Variants in BRK1 observed in about 807,000 individuals in gnomAD.
The protein encoded by BRK1 is protein BRICK1.
A neutral mutation model predicts 9.9 loss-of-function variants in BRK1; 6 were observed. The observed-to-expected ratio is 0.60, with a 90% CI of 0.33 to 1.19. BRK1 has a LOEUF of 1.19. Among genes scored for constraint, BRK1 ranks in the 50% most tolerant of loss-of-function variants. BRK1 has a pLI of 0.04. For missense variants in BRK1, 62 were observed against 97.5 expected, an observed-to-expected ratio of 0.64 and a Z score of 1.53; for synonymous variants, 44 against 31.9, an observed-to-expected ratio of 1.38 and a Z score of -1.28.
At chr3:10,116,392 C>T (rs1695685021) in intron 1 of BRK1, among the ~76,000 whole-genome samples, 1 of 150,470 alleles carries the variant, frequency 6.6e-6, no homozygotes, top group Admixed American at 6.6e-5. Flanking sequence ...TCTTGTAGGA[C>T]CTTGGAAGTC....
At chr3:10,124,778 G>T (rs1334053059) in intron 1 of BRK1, among the ~76,000 whole-genome samples, 2 of 152,194 alleles carry the variant, frequency 1.3e-5, no homozygotes, top group African/African-American at 4.8e-5. Flanking sequence ...TGAGATCTCT[G>T]TTTTGTTGCT....
intron 1 of BRK1, among the ~76,000 whole-genome samples, chr3:10,117,787 C>T (rs901007265): frequency 1.3e-5 from 2 of 152,108 alleles, no homozygotes; most frequent in African/African-American, 4.8e-5. Context: ...GATCATTATC[C>T]TCCCTTAAAG....
chr3:10,115,963 C>T lies in BRK1; in HGVS notation c.118+144C>T, dbSNP rs897543663. On this transcript the variant is annotated intron_variant, in intron 1 of 2. Transcript: ENST00000530758. ...TTCCTCCTTCAGGTCCCACCTTCTCCCTCCCGCCCTGACCCTCAGGCTCCC... is the reference window on the plus strand; with the variant it reads ...TTCCTCCTTCAGGTCCCACCTTCTCTCTCCCGCCCTGACCCTCAGGCTCCC... 15 of 677,552 alleles carry T rather than the reference C, an allele frequency of 2.2e-5. 1 individual carries two copies. Among genetic ancestry groups the T allele is most frequent in the Admixed American group, 1.8e-4 (8 of 44,828 alleles). The allele number at this position is 677,552 out of a possible 1,614,324, so 42.0% of individuals were successfully genotyped here.
At chr3:10,117,609 C>G (rs534840883) in intron 1 of BRK1, among the ~76,000 whole-genome samples, 12 of 151,984 alleles carry the variant, frequency 7.9e-5, no homozygotes, top group African/African-American at 2.7e-4. Flanking sequence ...CTTGCCCAGG[C>G]TGGTCTCAAA....
intron 1 of BRK1, among the ~76,000 whole-genome samples, chr3:10,122,536 A>C (rs899360170): frequency 6.7e-6 from 1 of 149,274 alleles, no homozygotes; most frequent in Non-Finnish European, 1.5e-5. Flanking sequence ...TGAGACCCCC[A>C]TATCTACCAA....
intron 1 of BRK1, among the ~76,000 whole-genome samples, chr3:10,122,571 G>A (rs886149289): frequency 5.3e-5 from 8 of 151,966 alleles, no homozygotes; most frequent in African/African-American, 1.9e-4. Context: ...AAATTAGCCA[G>A]GCACAGTGGC....
chr3:10,121,013 T>A (rs1019346750), intron 1 of BRK1, among the ~76,000 whole-genome samples: 1 of 152,160 alleles, frequency 6.6e-6, no homozygotes, highest in Admixed American at 6.6e-5. Flanking sequence ...TGTTGGGCAG[T>A]TCCGACAGAA....
At chr3:10,124,877 A>G (rs1695815459) in intron 1 of BRK1, among the ~76,000 whole-genome samples, 1 of 152,154 alleles carries the variant, frequency 6.6e-6, no homozygotes, top group African/African-American at 2.4e-5. Flanking sequence ...AAAGCCAACA[A>G]TGGCAGATTG....
chr3:10,123,126 A>T (rs1258232487), intron 1 of BRK1, among the ~76,000 whole-genome samples: 1 of 152,228 alleles, frequency 6.6e-6, no homozygotes, highest in Admixed American at 6.5e-5. Flanking sequence ...ATATGTTGAG[A>T]ATAGTTGGAA....
At chr3:10,116,705 TCTAA>T (rs767550792) in intron 1 of BRK1, among the ~76,000 whole-genome samples, 2 of 152,178 alleles carry the variant, frequency 1.3e-5, no homozygotes, top group Non-Finnish European at 2.9e-5. Flanking sequence ...TGAATGATTC[TCTAA>T]CTAAAGGACT....
chr3:10,117,087 C>T (rs769412908), intron 1 of BRK1, among the ~76,000 whole-genome samples: 12 of 151,988 alleles, frequency 7.9e-5, no homozygotes, highest in African/African-American at 1.4e-4. Flanking sequence ...TACAAAACAA[C>T]GACAACAAAA....
In BRK1 at chr3:10,126,406, T is replaced by C; in HGVS notation, c.*111T>C. ...TCTCCTTAAAGAGCAACAGGGCTTA[T>C]TCTTGTTTTTCTTTTTTCAAAAGTG... On this transcript the variant is annotated 3_prime_UTR_variant, in exon 3 of 3. Transcript: ENST00000530758. 1.0e-6 allele frequency: 1 copy of C among 976,832 alleles called. No homozygotes were observed. Among genetic ancestry groups the C allele is most frequent in the Non-Finnish European group, 1.5e-6 (1 of 651,370 alleles). The allele number at this position is 976,832 out of a possible 1,614,324, so 60.5% of individuals were successfully genotyped here. A position where few individuals can be genotyped will look rare whatever the true frequency, so the allele number is the denominator to read the frequency against.
intron 1 of BRK1, among the ~76,000 whole-genome samples, chr3:10,120,558 A>G (rs571666042): frequency 1.2e-4 from 19 of 152,314 alleles, no homozygotes; most frequent in African/African-American, 4.3e-4. Flanking sequence ...GAGCTGTCTG[A>G]TAACAGCATT....
intron 1 of BRK1, among the ~76,000 whole-genome samples, chr3:10,118,108 C>T (rs1695710731): frequency 6.6e-6 from 1 of 152,028 alleles, no homozygotes; most frequent in East Asian, 1.9e-4. Flanking sequence ...ACAAAATTAG[C>T]TGGGCATGGT....
At position 10,124,941 on chromosome 3, in the gene BRK1, C is replaced by T. The variant is rs138320536; in HGVS notation, c.119-685C>T. Among the ~76,000 whole-genome samples, 573 of 152,262 alleles carry T rather than the reference C, an allele frequency of 3.8e-3. 3 individuals carry two copies. Among genetic ancestry groups the T allele is most frequent in the African/African-American group, 0.013 (548 of 41,556 alleles). On this transcript the variant is annotated intron_variant, in intron 1 of 2. Transcript: ENST00000530758. ...TCTTCTTCCATTTCATCTCTGACCC[C>T]CTTCCTATGCCTTTCTCACCTACAT...
In BRK1 at chr3:10,126,959, T is replaced by C. The variant is rs528520969; in HGVS notation, c.*664T>C. ...TTATGGTGGGGAGAGGAGCTAGAGA[T>C]GGGTTCACTTATTGCACAGAAATGT... On this transcript the variant is annotated 3_prime_UTR_variant, in exon 3 of 3. Coordinates refer to ENST00000530758, the MANE Select transcript of BRK1 (RefSeq NM_018462.5). The C allele has an allele frequency of 9.8e-5, 15 of 152,806 alleles. No individual in the cohort carries two copies. The highest frequency in any genetic ancestry group is 3.9e-4 in the East Asian group (2 of 5,188). The allele number at this position is 152,806 out of a possible 1,614,324, so 9.5% of individuals were successfully genotyped here.
intron 1 of BRK1, among the ~76,000 whole-genome samples, chr3:10,123,009 A>G (rs980031253): frequency 2.0e-5 from 3 of 152,214 alleles, no homozygotes; most frequent in South Asian, 2.1e-4. Flanking sequence ...GGAGAGTCTC[A>G]GCGAATATTT....
chr3:10,120,037 GT>G (rs112860224), intron 1 of BRK1, among the ~76,000 whole-genome samples: 297 of 148,432 alleles, frequency 2.0e-3, no homozygotes, highest in African/African-American at 6.9e-3. Flanking sequence ...GACAGTTTTT[GT>G]TTTTTTTTTG....
chr3:10,126,347 G>T lies in BRK1; in HGVS notation c.*52G>T. The T allele has an allele frequency of 6.6e-7, 1 of 1,519,798 alleles. No homozygotes were observed. The allele number at this position is 1,519,798 out of a possible 1,614,324, so 94.1% of individuals were successfully genotyped here. A position where few individuals can be genotyped will look rare whatever the true frequency, so the allele number is the denominator to read the frequency against. On this transcript the variant is annotated 3_prime_UTR_variant, in exon 3 of 3. Transcript: ENST00000530758. ...TTGCTTTACACAACACAGGCCACATGGGAAAGGCCCCAGCAGCCTTCAGCT... is the reference window on the plus strand; with the variant it reads ...TTGCTTTACACAACACAGGCCACATTGGAAAGGCCCCAGCAGCCTTCAGCT...
Sources: gnomAD v4.1 joint callset for allele counts (sites outside exome capture counted in the v4.1 genomes callset) on GRCh38, gnomAD v4.1.1 for gene constraint, MANE v1.5 for transcripts, NCBI Gene and HGNC (gene_info 2026-07-23, HGNC 2026-07-21) for gene names.